Variants in MTREX observed in about 807,000 individuals in gnomAD.
The protein encoded by MTREX is Mtr4 exosome RNA helicase, also known as exosome RNA helicase MTR4.
Under a neutral mutation model 135.4 loss-of-function variants are expected in MTREX, and 76 were observed. The observed-to-expected ratio is 0.56, with a 90% CI of 0.47 to 0.68. The LOEUF is 0.68. MTREX is among the 30% of genes least tolerant of loss of function. The pLI is 0.00. For synonymous variants in MTREX, 404 were observed against 401.6 expected (o/e 1.01, Z -0.07); for missense variants, 920 against 1,262.1 (o/e 0.73, Z 4.11).
At chr5:55,362,512 C>T (rs1277095268) in intron 15 of MTREX, among the ~76,000 whole-genome samples, 4 of 152,000 alleles carry the variant, frequency 2.6e-5, no homozygotes, top group South Asian at 2.1e-4. Flanking sequence ...AGGCATGTGC[C>T]GCCATGCCCA....
At chr5:55,359,951 T>TA (rs1239888963) in intron 15 of MTREX, among the ~76,000 whole-genome samples, 2 of 152,220 alleles carry the variant, frequency 1.3e-5, no homozygotes, top group African/African-American at 4.8e-5. Flanking sequence ...TATTGAGCTA[T>TA]AATTCACATA....
intron 14 of MTREX, among the ~76,000 whole-genome samples, chr5:55,354,979 G>T (rs891601781): frequency 6.6e-6 from 1 of 152,210 alleles, no homozygotes; most frequent in Non-Finnish European, 1.5e-5. Flanking sequence ...GAGGAAGCAG[G>T]CACAGGGTGG....
In MTREX at chr5:55,358,363, C is replaced by T. The variant is rs546200831; in HGVS notation, c.1534-210C>T. ...AGTCTAAAATTTAGTTTTGTTATGT[C>T]AGTGTGATGTCGGTTTGAAACATTA... On this transcript the variant is annotated intron_variant, in intron 14 of 26. Coordinates refer to ENST00000230640, the MANE Select transcript of MTREX (RefSeq NM_015360.5). Among the ~76,000 whole-genome samples, 374 of 152,200 alleles carry T rather than the reference C, an allele frequency of 2.5e-3. 1 individual carries two copies. Among genetic ancestry groups the T allele is most frequent in the African/African-American group, 8.8e-3 (364 of 41,542 alleles).
At chr5:55,359,861 G>A (rs1293177819) in intron 15 of MTREX, among the ~76,000 whole-genome samples, 2 of 151,974 alleles carry the variant, frequency 1.3e-5, no homozygotes, top group African/African-American at 2.4e-5. Flanking sequence ...TTTACTTGAC[G>A]TTTCTGGATT....
chr5:55,402,212 C>G (rs780240809), intron 21 of MTREX, among the ~76,000 whole-genome samples: 3 of 152,200 alleles, frequency 2.0e-5, no homozygotes, highest in African/African-American at 4.8e-5. Context: ...CATCTATGCT[C>G]TGACCCACCT....
In MTREX at chr5:55,320,934, A is replaced by G. The variant is rs185796308; in HGVS notation, c.135-1393A>G. Among the ~76,000 whole-genome samples, 928 of 152,282 alleles carry G rather than the reference A, an allele frequency of 6.1e-3. 8 individuals are homozygous for G. Among genetic ancestry groups the G allele is most frequent in the African/African-American group, 0.022 (894 of 41,554 alleles). On this transcript the variant is annotated intron_variant, in intron 1 of 26. Transcript: ENST00000230640. ...CTTCATATGCTTTGACCAAAACAAC[A>G]TGTCATAGCAAGTTGAATACAGAAA... is the stretch of plus-strand genomic sequence containing the variant.
intron 1 of MTREX, among the ~76,000 whole-genome samples, chr5:55,310,034 A>G (rs551510532): frequency 1.5e-3 from 227 of 152,338 alleles, no homozygotes; most frequent in African/African-American, 5.3e-3. Context: ...TTGAATGGGC[A>G]ACTATGATAT....
rs1750957642 is a variant in MTREX at position 55,415,801 on chromosome 5, A to AAT, written c.2809-169_2809-168insAT. On this transcript the variant is annotated intron_variant, in intron 24 of 26. Coordinates refer to ENST00000230640, the MANE Select transcript of MTREX (RefSeq NM_015360.5). ...AATGGGAAAGATTGGCCGTTTAATC[A>AAT]CTTAGCAATGGAACAGGCACTGTGC... is the stretch of plus-strand genomic sequence containing the variant. Among the ~76,000 whole-genome samples, 4 of 152,302 alleles carry AAT rather than the reference A, an allele frequency of 2.6e-5. No homozygotes were observed. The South Asian group carries it at 6.2e-4, about 24-fold the overall frequency.
chr5:55,316,979 A>G (rs1354263335), intron 1 of MTREX, among the ~76,000 whole-genome samples: 1 of 152,192 alleles, frequency 6.6e-6, no homozygotes, highest in African/African-American at 2.4e-5. Flanking sequence ...TTATACACCA[A>G]CAGTAGCCAG....
chr5:55,380,750 G>C (rs543646556), intron 18 of MTREX, among the ~76,000 whole-genome samples: 32 of 152,282 alleles, frequency 2.1e-4, no homozygotes, highest in Non-Finnish European at 3.1e-4. Flanking sequence ...ATTCATAGGA[G>C]ATGTTGGTTT....
intron 5 of MTREX, among the ~76,000 whole-genome samples, chr5:55,332,339 G>C (rs1347863727): frequency 6.6e-6 from 1 of 152,136 alleles, no homozygotes; most frequent in Non-Finnish European, 1.5e-5. Context: ...TTCCAGTTGA[G>C]TAGCTGAATT....
At chr5:55,330,789 T>C (rs965810853) in intron 5 of MTREX, among the ~76,000 whole-genome samples, 2 of 152,130 alleles carry the variant, frequency 1.3e-5, no homozygotes, top group African/African-American at 4.8e-5. Context: ...GCCCTTCCTT[T>C]ATTTCTTTGA....
At chr5:55,327,527 A>T (rs1749402521) in intron 3 of MTREX, 189 bp from the exon 4 acceptor site, 1 of 536,952 alleles carries the variant, frequency 1.9e-6, no homozygotes, top group Non-Finnish European at 3.3e-6. Context: ...GTAATTTCTG[A>T]GTGTTGAAAC....
intron 5 of MTREX, among the ~76,000 whole-genome samples, chr5:55,338,704 T>A (rs1331592073): frequency 1.3e-5 from 2 of 151,456 alleles, no homozygotes; most frequent in African/African-American, 4.8e-5. Flanking sequence ...TCATGTTCAT[T>A]GATAACAGTC....
intron 23 of MTREX, among the ~76,000 whole-genome samples, chr5:55,411,315 A>G (rs1333954034): frequency 6.6e-6 from 1 of 152,244 alleles, no homozygotes; most frequent in Non-Finnish European, 1.5e-5. Flanking sequence ...TGAAGTGGAT[A>G]GAATGAGAAT....
Position 55,405,619 on chromosome 5 carries a change from AT to A in MTREX, c.2645+41del, listed in dbSNP as rs751309404. ...ATCTGGTTATTGTTCTAGAAAGTTC[AT>A]TTTTTTTTTCATTTTTAATTTTAAT... is the stretch of plus-strand genomic sequence containing the variant. On this transcript the variant is annotated intron_variant, in intron 22 of 26. Transcript: ENST00000230640. 914 of 1,431,778 alleles carry A rather than the reference AT, an allele frequency of 6.4e-4. 1 individual carries two copies. The highest frequency in any genetic ancestry group is 3.5e-3 in the East Asian group (141 of 40,526). 88.7% of individuals were successfully genotyped at this position (1,431,778 alleles called of 1,614,324 possible). A position where few individuals can be genotyped will look rare whatever the true frequency, so the allele number is the denominator to read the frequency against.
Position 55,424,426 on chromosome 5 carries a change from T to C in MTREX, c.3077-294T>C, listed in dbSNP as rs373428794. 5.8e-4 allele frequency: 117 copies of C among 202,596 alleles called. No homozygotes were observed. The East Asian group carries it at 0.011, about 19-fold the overall frequency. 12.5% of individuals were successfully genotyped at this position (202,596 alleles called of 1,614,324 possible). ...TCCCAGAGTGCTGGGATTACAGGCA[T>C]GAGCTACTGCGCCCGACCTAGCATT... On this transcript the variant is annotated intron_variant, in intron 26 of 26. Coordinates refer to ENST00000230640, the MANE Select transcript of MTREX (RefSeq NM_015360.5).
chr5:55,324,424 CTTTTTTTTTTTT>C (rs10592726), intron 3 of MTREX: 4 of 17,010 alleles, frequency 2.4e-4, no homozygotes, highest in East Asian at 1.9e-3. Flanking sequence ...CTTATTTTAA[CTTTTTTTTTTTT>C]TTTTTTTTTT....
rs1749855731 is a variant in MTREX, at chr5:55,353,238, C to G, written c.1502C>G (p.Ala501Gly). 2.5e-6 allele frequency: 4 copies of G among 1,608,014 alleles called. No homozygotes were observed. In the East Asian group the frequency reaches 9.0e-5, roughly 36 times the overall value. ...GCTAGAACTGTTTTATTTACAAATGCCCGCAAATTTGATGGGAAGGATTTC... is the reference window on the plus strand; with the variant it reads ...GCTAGAACTGTTTTATTTACAAATGGCCGCAAATTTGATGGGAAGGATTTC... ...MPARTVLFTN[A>G]RKFDGKDFRW... Residue 501 changes from alanine to glycine, a missense_variant, in exon 14 of 27, where the codon GCC (alanine) becomes GGC (glycine). By Grantham distance (60) the Ala-to-Gly change is moderately conservative (BLOSUM62 0). Coordinates refer to ENST00000230640, the MANE Select transcript of MTREX (RefSeq NM_015360.5).
Sources: gnomAD v4.1 joint callset for allele counts (sites outside exome capture counted in the v4.1 genomes callset) on GRCh38, gnomAD v4.1.1 for gene constraint, MANE v1.5 for transcripts, NCBI Gene and HGNC (gene_info 2026-07-23, HGNC 2026-07-21) for gene names.